Variants in SLC38A10 observed in about 807,000 individuals in gnomAD.
SLC38A10 encodes the protein Sodium-coupled neutral amino acid transporter 10.
A neutral mutation model predicts 81.0 loss-of-function variants in SLC38A10; 53 were observed. The observed-to-expected ratio is 0.65, with a 90% CI of 0.53 to 0.82. The LOEUF (loss-of-function observed/expected upper bound fraction) is 0.82, where lower values mean the gene tolerates loss of function less well. Ranked by LOEUF, SLC38A10 falls within the 40% of genes least tolerant of loss-of-function variation. SLC38A10 has a pLI of 0.00. For missense variants in SLC38A10, 1,471 were observed against 1,545.0 expected (o/e 0.95, Z 0.80); for synonymous variants, 665 against 655.3 (o/e 1.01, Z -0.23).
rs1366419882 is a variant in SLC38A10, at chr17:81,272,635, A to G, written c.913-8T>C. The G allele has an allele frequency of 2.0e-6, 3 of 1,529,386 alleles. No individual in the cohort carries two copies. The highest frequency in any genetic ancestry group is 2.3e-5 in the Admixed American group (1 of 42,890). 94.7% of individuals were successfully genotyped at this position (1,529,386 alleles called of 1,614,324 possible). On this transcript the variant is annotated splice_polypyrimidine_tract_variant and splice_region_variant and intron_variant, in intron 8 of 15. Coordinates refer to ENST00000374759, the MANE Select transcript of SLC38A10 (RefSeq NM_001037984.3). The stretch of plus-strand genomic sequence containing the variant: ...AAAGGTGCCATCTTTTTGCTGTACA[A>G]AAGAAAAACAAAAGGTTTTGAAATG...
In SLC38A10 at chr17:81,253,275, C is replaced by G. The variant is rs72860029; in HGVS notation, c.1289-35G>C. 0.081 allele frequency: 129,734 copies of G among 1,604,562 alleles called. 5,589 individuals carry two copies. The highest frequency in any genetic ancestry group is 0.14 in the East Asian group (6,083 of 44,644). ...GGGCACAGTTAGGGAACTGCACTGC[C>G]AAGCAGCTCCAGGAGCGGGGCAGCT... On this transcript the variant is annotated intron_variant, in intron 11 of 15. Transcript: ENST00000374759. This position sits in a 1 kb window ranked among gnomAD's most constrained non-coding sequence, Gnocchi z 4.1.
Position 81,270,930 on chromosome 17 carries a change from T to A in SLC38A10, c.1119A>T (p.Ala373=), listed in dbSNP as rs760695089. The A allele has an allele frequency of 6.2e-7, 1 of 1,613,760 alleles. No individual in the cohort carries two copies. The highest frequency in any genetic ancestry group is 8.5e-7 in the Non-Finnish European group (1 of 1,179,954). ...ALIYKKIHKN[A]LSSQVVLWVG... ...GAGCAGCACGCACCTGGGAGGAAAG[T>A]GCGTTCTTGTGGATTTTCTTGTAGA... is the stretch of plus-strand genomic sequence containing the variant. The change falls in exon 10 of 16, where the codon GCA becomes GCT. Residue 373 remains alanine, a synonymous_variant. Transcript: ENST00000374759. This position sits in a 1 kb window ranked among gnomAD's most constrained non-coding sequence, Gnocchi z 4.0.
Position 81,294,815 on chromosome 17 carries a change from G to T in SLC38A10, c.99+8C>A. 1 of 1,580,778 alleles carries T rather than the reference G, an allele frequency of 6.3e-7. No homozygotes were observed. On this transcript the variant is annotated splice_region_variant and intron_variant, in intron 1 of 15. Coordinates refer to ENST00000374759, the MANE Select transcript of SLC38A10 (RefSeq NM_001037984.3). ...GAGGGCGGTGATCTCCGGGCCCACC[G>T]GACTCACCTGTTTGAAGCAGAAGGG...
At position 81,250,150 on chromosome 17, in the gene SLC38A10, G is replaced by A. The variant is rs185972167; in HGVS notation, c.2065+1343C>T. On this transcript the variant is annotated intron_variant, in intron 14 of 15. Transcript: ENST00000374759. Reference sequence around the variant, plus strand: ...AAGGCAGAATAGGAAACCGTGAAAAGTCTTTTTCAGAAAGAAGAAAATCAA... The same window carrying A: ...AAGGCAGAATAGGAAACCGTGAAAAATCTTTTTCAGAAAGAAGAAAATCAA... 39 of 1,269,222 alleles carry A rather than the reference G, an allele frequency of 3.1e-5. No individual in the cohort carries two copies. The African/African-American group carries it at 3.7e-4, about 12-fold the overall frequency. 78.6% of individuals were successfully genotyped at this position (1,269,222 alleles called of 1,614,324 possible).
At chr17:81,284,050 TAA>T (rs1381838487) in intron 3 of SLC38A10, among the ~76,000 whole-genome samples, 1 of 151,302 alleles carries the variant, frequency 6.6e-6, no homozygotes, top group Admixed American at 6.6e-5. Flanking sequence ...GCGGAGGCTC[TAA>T]AAGTTACAAA....
chr17:81,280,139 C>T (rs1269243241), intron 6 of SLC38A10: 3 of 453,468 alleles, frequency 6.6e-6, no homozygotes, highest in Middle Eastern at 3.4e-4. Context: ...TATGGAAGAG[C>T]CCGATCCACA....
At chr17:81,292,159 ACT>A (rs763085075) in intron 1 of SLC38A10, among the ~76,000 whole-genome samples, 96 of 151,878 alleles carry the variant, frequency 6.3e-4, no homozygotes, top group South Asian at 1.7e-3. Flanking sequence ...ACAGAGTCTC[ACT>A]CTGTTGCCCA....
At chr17:81,251,405 A>G in intron 14 of SLC38A10, 88 bp downstream of exon 14, 2 of 1,611,602 alleles carry the variant, frequency 1.2e-6, no homozygotes, top group Non-Finnish European at 1.7e-6. Context: ...AGGGCTCCCG[A>G]GGATGACCTG....
At position 81,246,487 on chromosome 17, in the gene SLC38A10, A is replaced by C. The variant is rs549393867; in HGVS notation, c.2429T>G (p.Val810Gly). The C allele has an allele frequency of 1.6e-4, 253 of 1,557,672 alleles. 1 individual carries two copies. In the South Asian group the frequency reaches 3.0e-3, roughly 18 times the overall value. ...QRSLEHSEGPVGRDPAGPPDG... is the reference protein window; with the variant it reads ...QRSLEHSEGPGGRDPAGPPDG... ...AGGAGGGCCAGCAGGGTCTCTGCCC[A>C]CAGGCCCCTCAGAGTGCTCCAGGGA... Residue 810 changes from valine to glycine, a missense_variant, in exon 16 of 16, where the codon GTG becomes GGG. Val to Gly is a moderately radical substitution (Grantham distance 109, BLOSUM62 -3). Transcript: ENST00000374759.
intron 14 of SLC38A10, among the ~76,000 whole-genome samples, chr17:81,250,306 C>T (rs1019704242): frequency 2.0e-5 from 3 of 152,352 alleles, no homozygotes; most frequent in East Asian, 3.9e-4. Flanking sequence ...GCCCAGGGGG[C>T]GCCTTTTGGC....
In SLC38A10 at chr17:81,246,599, C is replaced by G. The variant is rs766698698; in HGVS notation, c.2317G>C (p.Val773Leu). 2.6e-6 allele frequency: 4 copies of G among 1,516,714 alleles called. No individual in the cohort carries two copies. In the East Asian group the frequency reaches 9.2e-5, roughly 35 times the overall value. The allele number at this position is 1,516,714 out of a possible 1,614,324, so 94.0% of individuals were successfully genotyped here. ...EAPEGKARET[V>L]ENLPPLPLDP... ...AAAGGCAGGGGAGGCAGATTCTCCACCGTCTCCCTGGCCTTGCCTTCAGGG... is the reference window on the plus strand; with the variant it reads ...AAAGGCAGGGGAGGCAGATTCTCCAGCGTCTCCCTGGCCTTGCCTTCAGGG... The change falls in exon 16 of 16, where the codon GTG becomes CTG. Residue 773 changes from valine (V) to leucine (L), a missense_variant. Physicochemically the swap from Val to Leu is conservative, Grantham distance 32 (BLOSUM62 1). Transcript: ENST00000374759.
chr17:81,292,355 G>A (rs953889080), intron 1 of SLC38A10, among the ~76,000 whole-genome samples: 1 of 151,800 alleles, frequency 6.6e-6, no homozygotes, highest in African/African-American at 2.4e-5. Context: ...TTGAACTCCT[G>A]ACCTCGTGAT....
At chr17:81,260,421 G>A (rs1464658084) in intron 10 of SLC38A10, 27 bp from the exon 11 acceptor site, 1 of 1,596,472 alleles carries the variant, frequency 6.3e-7, no homozygotes, top group Non-Finnish European at 8.5e-7. Flanking sequence ...CCCAGGGGCG[G>A]GAGTCACAGC....
At chr17:81,274,231 A>C (rs2063141448) in intron 8 of SLC38A10, among the ~76,000 whole-genome samples, 1 of 152,172 alleles carries the variant, frequency 6.6e-6, no homozygotes, top group Admixed American at 6.5e-5. Context: ...TGAACTCCGC[A>C]GAAGAGAGGA....
At position 81,252,221 on chromosome 17, in the gene SLC38A10, C is replaced by T. The variant is rs573232272; in HGVS notation, c.1919G>A (p.Gly640Glu). ...GTGGTCGCTGTCCTCTGCGGGCTGC[C>T]CTGTGTCCCCGGCGGCGTTGCCTGG... is the stretch of plus-strand genomic sequence containing the variant. ...PPPGNAAGDTGQPAEDSDHGG... is the reference protein window; with the variant it reads ...PPPGNAAGDTEQPAEDSDHGG... The change falls in exon 13 of 16, where the codon GGG becomes GAG. Residue 640 changes from glycine to glutamate, a missense_variant. Physicochemically the swap from Gly to Glu is moderately conservative, Grantham distance 98. Around this residue, in one of 2 missense-constraint regions of SLC38A10, gnomAD observed 751 missense variants for 717.4 expected, o/e 1.05. Transcript: ENST00000374759. The T allele has an allele frequency of 3.2e-5, 49 of 1,531,876 alleles. No individual in the cohort carries two copies. Among genetic ancestry groups the T allele is most frequent in the Non-Finnish European group, 1.7e-5 (19 of 1,143,266 alleles). 94.9% of individuals were successfully genotyped at this position (1,531,876 alleles called of 1,614,324 possible). A position where few individuals can be genotyped will look rare whatever the true frequency, so the allele number is the denominator to read the frequency against.
chr17:81,284,978 G>C, intron 2 of SLC38A10, 83 bp from the exon 3 acceptor site: 1 of 1,325,320 alleles, frequency 7.5e-7, no homozygotes, highest in Non-Finnish European at 1.0e-6. Flanking sequence ...AGCTGTCAAG[G>C]GCGATTTCAC....
chr17:81,275,838 G>A lies in SLC38A10; in HGVS notation c.912+131C>T, dbSNP rs142356678. ...GTTCCTCTAGGCTCCCCCAACTTCC[G>A]CCCTCCCGGGACTCCTCTGACGCAA... On this transcript the variant is annotated intron_variant, in intron 8 of 15. Transcript: ENST00000374759. 7.2e-3 allele frequency: 7,635 copies of A among 1,060,100 alleles called. 24 individuals carry two copies. Among genetic ancestry groups the A allele is most frequent in the Non-Finnish European group, 8.8e-3 (6,601 of 753,858 alleles). 65.7% of individuals were successfully genotyped at this position (1,060,100 alleles called of 1,614,324 possible).
In SLC38A10 at chr17:81,289,472, A is replaced by C. The variant is rs906306514; in HGVS notation, c.217+219T>G. 3.3e-5 allele frequency among the ~76,000 whole-genome samples: 5 copies of C among 152,010 alleles called. No homozygotes were observed. The highest frequency in any genetic ancestry group is 1.2e-4 in the African/African-American group (5 of 41,364). On this transcript the variant is annotated intron_variant, in intron 2 of 15. Transcript: ENST00000374759. This position sits in a 1 kb window ranked among gnomAD's most constrained non-coding sequence, Gnocchi z 5.9. Reference sequence around the variant, plus strand: ...ACTGCCACCTCAGACTCCTAGGCTCAGGTGATCCTCCCACCTCAGCCTCCC... The same window carrying C: ...ACTGCCACCTCAGACTCCTAGGCTCCGGTGATCCTCCCACCTCAGCCTCCC...
Position 81,245,305 on chromosome 17 carries a change from G to A in SLC38A10, c.*251C>T, listed in dbSNP as rs1598372556. The stretch of plus-strand genomic sequence containing the variant: ...GGAGGCCGTTTCTCCTCACAGGCTG[G>A]AGTGAGCTCAGAGTCTAGAGGTCAG... On this transcript the variant is annotated 3_prime_UTR_variant, in exon 16 of 16. Transcript: ENST00000374759. 2.7e-5 allele frequency: 12 copies of A among 452,414 alleles called. No homozygotes were observed. In the South Asian group the frequency reaches 5.1e-4, roughly 19 times the overall value. The allele number at this position is 452,414 out of a possible 1,614,324, so 28.0% of individuals were successfully genotyped here.
Sources: gnomAD v4.1 joint callset for allele counts (sites outside exome capture counted in the v4.1 genomes callset) on GRCh38, gnomAD v4.1.1 for gene constraint, gnomAD v4.1.1 regional missense constraint, Gnocchi (gnomAD v3.1) non-coding constraint, MANE v1.5 for transcripts, NCBI Gene and HGNC (gene_info 2026-07-23, HGNC 2026-07-21) for gene names.